TTC6: variants seen among roughly 807,000 people sequenced by gnomAD.
TTC6 encodes the protein tetratricopeptide repeat domain 6.
In TTC6, 172 loss-of-function variants were observed where a neutral mutation model predicts 210.4. The observed-to-expected ratio is 0.82, with a 90% CI of 0.72 to 0.93. The LOEUF is 0.93. TTC6 is among the 40% of genes least tolerant of loss of function. The pLI is 0.00. For missense variants in TTC6, 2,414 were observed against 2,318.1 expected, an observed-to-expected ratio of 1.04 and a Z score of -0.85; for synonymous variants, 804 against 819.6, an observed-to-expected ratio of 0.98 and a Z score of 0.32.
intron 6 of TTC6, among the ~76,000 whole-genome samples, chr14:37,715,370 A>C (rs2095850988): frequency 6.6e-6 from 1 of 152,204 alleles, no homozygotes; most frequent in African/African-American, 2.4e-5. Context: ...AAAAGGCAGA[A>C]AGCTATAGAT....
intron 6 of TTC6, among the ~76,000 whole-genome samples, chr14:37,721,106 G>T (rs374433361): frequency 6.7e-6 from 1 of 148,470 alleles, no homozygotes; most frequent in African/African-American, 2.5e-5. Flanking sequence ...AGAAAAATAA[G>T]AAAAAAAATG....
At chr14:37,748,890 A>C (rs1392076441) in intron 10 of TTC6, 49 bp from the exon 13 acceptor site, 1 of 1,361,852 alleles carries the variant, frequency 7.3e-7, no homozygotes, top group Non-Finnish European at 9.6e-7. Context: ...CTGATTAGAA[A>C]GATGATTGTA....
intron 1 of TTC6, among the ~76,000 whole-genome samples, chr14:37,651,178 A>G (rs1357205680): frequency 6.6e-6 from 1 of 151,822 alleles, no homozygotes; most frequent in East Asian, 1.9e-4. Context: ...TAGTTGTTAC[A>G]TTGTAAAATT....
exon 1 of TTC6, chr14:37,622,585 C>T: frequency 6.5e-7 from 1 of 1,534,248 alleles, no homozygotes; most frequent in Non-Finnish European, 8.7e-7. Context: ...CGGCACGCGG[C>T]TCCCAGGCGG....
chr14:37,636,040 A>G (rs921516155), intron 1 of TTC6, among the ~76,000 whole-genome samples: 2 of 151,576 alleles, frequency 1.3e-5, no homozygotes, highest in East Asian at 3.9e-4. Context: ...ACAGGACTTT[A>G]TAATATTGTA....
At chr14:37,599,494 C>T (rs543982684) in intron 1 of TTC6, among the ~76,000 whole-genome samples, 1 of 152,122 alleles carries the variant, frequency 6.6e-6, no homozygotes, top group African/African-American at 2.4e-5. Flanking sequence ...TTTATTGAAG[C>T]AAACAAACAA....
intron 29 of TTC6, among the ~76,000 whole-genome samples, chr14:37,840,611 C>T (rs1403109474): frequency 6.6e-6 from 1 of 152,132 alleles, no homozygotes; most frequent in Non-Finnish European, 1.5e-5. Flanking sequence ...AAAATACTGG[C>T]AAACTGAATC....
chr14:37,658,093 A>C (rs1748181594), intron 1 of TTC6, among the ~76,000 whole-genome samples: 1 of 152,244 alleles, frequency 6.6e-6, no homozygotes, highest in African/African-American at 2.4e-5. Context: ...TTATATAACA[A>C]GAGAGAAAAT....
At chr14:37,601,520 T>A (rs1566831490) in intron 1 of TTC6, among the ~76,000 whole-genome samples, 1 of 152,106 alleles carries the variant, frequency 6.6e-6, no homozygotes, top group Non-Finnish European at 1.5e-5. Context: ...AGTGAGAGGA[T>A]CTGAGGGACT....
chr14:37,605,438 G>C (rs904334814), intron 1 of TTC6, among the ~76,000 whole-genome samples: 2 of 146,132 alleles, frequency 1.4e-5, no homozygotes, highest in Non-Finnish European at 3.0e-5. Flanking sequence ...CATCTTCAAA[G>C]CTTATTAATT....
intron 1 of TTC6, among the ~76,000 whole-genome samples, chr14:37,656,063 C>T (rs1173386862): frequency 6.6e-6 from 1 of 152,140 alleles, no homozygotes; most frequent in African/African-American, 2.4e-5. Context: ...GCCTTTGGAG[C>T]TGGTTAGGAT....
At chr14:37,649,431 A>G (rs2095707320) in intron 1 of TTC6, among the ~76,000 whole-genome samples, 1 of 152,036 alleles carries the variant, frequency 6.6e-6, no homozygotes, top group African/African-American at 2.4e-5. Flanking sequence ...CACAACATTT[A>G]TGTTTTCTTC....
chr14:37,835,383 A>C (rs2096195427), intron 29 of TTC6, among the ~76,000 whole-genome samples: 1 of 152,070 alleles, frequency 6.6e-6, no homozygotes, highest in Admixed American at 6.5e-5. Flanking sequence ...CTCCAATGTT[A>C]ATAAGAATAA....
intron 14 of TTC6, among the ~76,000 whole-genome samples, chr14:37,763,499 G>A (rs1371587608): frequency 6.6e-6 from 1 of 151,976 alleles, no homozygotes; most frequent in Non-Finnish European, 1.5e-5. Context: ...GATCTATTCA[G>A]GCTTTCTATT....
At chr14:37,823,679 A>G in intron 26 of TTC6, 68 bp from the exon 29 acceptor site, 1 of 1,398,446 alleles carries the variant, frequency 7.2e-7, no homozygotes, top group Non-Finnish European at 9.9e-7. Flanking sequence ...AGTTATAGGA[A>G]AACATTGTAT....
intron 2 of TTC6, among the ~76,000 whole-genome samples, chr14:37,607,591 G>T (rs1294377401): frequency 1.3e-5 from 2 of 151,810 alleles, no homozygotes; most frequent in African/African-American, 4.8e-5. Flanking sequence ...AGAATTTCTG[G>T]GTTAAAATAC....
intron 19 of TTC6, among the ~76,000 whole-genome samples, chr14:37,796,577 C>G (rs138653676): frequency 6.6e-6 from 1 of 152,058 alleles, no homozygotes; most frequent in East Asian, 1.9e-4. Context: ...AAATATTAAG[C>G]TTACAATTTT....
chr14:37,728,979 C>A (rs2095879282), intron 7 of TTC6, among the ~76,000 whole-genome samples: 1 of 152,088 alleles, frequency 6.6e-6, no homozygotes, highest in African/African-American at 2.4e-5. Context: ...TTTTCATTGT[C>A]ATTTATGTCA....
chr14:37,791,787 T>C (rs4901274), intron 16 of TTC6, among the ~76,000 whole-genome samples: 108,660 of 151,974 alleles, frequency 0.71, 40,831 homozygotes, highest in Non-Finnish European at 0.84. Flanking sequence ...TCAGTTGATT[T>C]TAAGAGAGAT....
Sources: allele counts gnomAD v4.1 joint callset (sites outside exome capture counted in the v4.1 genomes callset), GRCh38; gene constraint gnomAD v4.1.1; transcripts MANE v1.5; gene names NCBI Gene and HGNC (gene_info 2026-07-23, HGNC 2026-07-21).